Variants in WDR7 observed in about 807,000 individuals in gnomAD.
WDR7 encodes WD repeat-containing protein 7.
Under a neutral mutation model 169.4 loss-of-function variants are expected in WDR7, and 46 were observed. That is an observed-to-expected ratio of 0.27 (90% CI 0.21 to 0.35). The LOEUF is 0.35. Ranked by LOEUF, WDR7 falls within the 10% of genes least tolerant of loss-of-function variation. WDR7 has a pLI of 1.00. For missense variants in WDR7, 1,534 were observed against 1,859.3 expected (o/e 0.83, Z 3.22); for synonymous variants, 612 against 666.8 (o/e 0.92, Z 1.27).
intron 16 of WDR7, among the ~76,000 whole-genome samples, chr18:56,767,154 A>C (rs560524062): frequency 7.9e-5 from 12 of 152,292 alleles, no homozygotes; most frequent in Non-Finnish European, 1.8e-4. Context: ...CAGAATATCC[A>C]ATGCCCTGTG....
At chr18:57,035,103 T>C in the WDR7 span, 1 of 152,250 alleles carries the variant, frequency 6.6e-6, no homozygotes, top group Non-Finnish European at 1.5e-5. Context: ...TTGAAGATAA[T>C]GCAGAGGCTT....
At chr18:56,804,091 T>C (rs2044724762) in intron 19 of WDR7, among the ~76,000 whole-genome samples, 2 of 152,240 alleles carry the variant, frequency 1.3e-5, no homozygotes, top group South Asian at 4.1e-4. Context: ...CCACCACACC[T>C]GGCCCATCAT....
intron 12 of WDR7, among the ~76,000 whole-genome samples, chr18:56,700,561 G>GTGTCTT (rs1409253621): frequency 6.9e-5 from 3 of 43,562 alleles, no homozygotes; most frequent in Admixed American, 8.8e-4. Flanking sequence ...GGCCAATATT[G>GTGTCTT]TTTCTTTTTT....
At chr18:56,766,127 A>T (rs1329300638) in intron 16 of WDR7, among the ~76,000 whole-genome samples, 1 of 151,744 alleles carries the variant, frequency 6.6e-6, no homozygotes, top group Non-Finnish European at 1.5e-5. Flanking sequence ...TTCTAACAAG[A>T]TCTGATAGCA....
chr18:56,773,026 A>G (rs543384569), intron 16 of WDR7, among the ~76,000 whole-genome samples: 59 of 152,326 alleles, frequency 3.9e-4, no homozygotes, highest in African/African-American at 9.6e-4. Context: ...TGACGTATTA[A>G]AACTGTGCTT....
intron 20 of WDR7, among the ~76,000 whole-genome samples, chr18:56,878,472 C>G (rs1282284650): frequency 6.6e-6 from 1 of 151,876 alleles, no homozygotes; most frequent in Non-Finnish European, 1.5e-5. Context: ...TTGTTATTTT[C>G]TGATCCAAAG....
At chr18:56,999,288 G>C (rs1453476226) in intron 26 of WDR7, among the ~76,000 whole-genome samples, 3 of 152,114 alleles carry the variant, frequency 2.0e-5, no homozygotes, top group Non-Finnish European at 4.4e-5. Flanking sequence ...TTAGGGTTTG[G>C]GGGAATGTTT....
intron 21 of WDR7, among the ~76,000 whole-genome samples, chr18:56,907,769 C>T (rs1050810067): frequency 6.6e-6 from 1 of 152,058 alleles, no homozygotes; most frequent in Admixed American, 6.6e-5. Context: ...CCTGAGAGTC[C>T]TCACTTGGTA....
At chr18:56,919,433 T>C (rs7245128) in intron 21 of WDR7, among the ~76,000 whole-genome samples, 123,071 of 152,088 alleles carry the variant, frequency 0.81, 50,316 homozygotes, top group East Asian at 0.98. Context: ...GGTATTGTTA[T>C]CTGTTGCATC....
intron 14 of WDR7, among the ~76,000 whole-genome samples, chr18:56,735,372 T>C (rs2026677194): frequency 6.6e-6 from 1 of 152,230 alleles, no homozygotes; most frequent in East Asian, 1.9e-4. Context: ...TTGAGGATGA[T>C]TGTAATAGGA....
chr18:56,932,614 G>A (rs1312688032), intron 22 of WDR7, among the ~76,000 whole-genome samples: 1 of 152,096 alleles, frequency 6.6e-6, no homozygotes, highest in Non-Finnish European at 1.5e-5. Context: ...AGCATTTATT[G>A]TACATATAAT....
At chr18:56,794,460 C>T (rs2044549212) in intron 19 of WDR7, among the ~76,000 whole-genome samples, 1 of 151,634 alleles carries the variant, frequency 6.6e-6, no homozygotes, top group Admixed American at 6.6e-5. Context: ...CAGGTGCCCA[C>T]CACCATGCCT....
At chr18:56,714,660 C>T (rs1191157175) in intron 12 of WDR7, among the ~76,000 whole-genome samples, 1 of 152,016 alleles carries the variant, frequency 6.6e-6, no homozygotes, top group African/African-American at 2.4e-5. Context: ...GTGATCCATC[C>T]CCCTCGACCT....
chr18:56,682,973 A>T (rs2025378693), intron 5 of WDR7, 120 bp downstream of exon 5: 1 of 1,055,066 alleles, frequency 9.5e-7, no homozygotes, highest in South Asian at 1.6e-5. Flanking sequence ...GTAAGAAATA[A>T]CTACACCAAT....
At chr18:56,767,629 A>C (rs565666482) in intron 16 of WDR7, among the ~76,000 whole-genome samples, 1 of 152,014 alleles carries the variant, frequency 6.6e-6, no homozygotes, top group African/African-American at 2.4e-5. Context: ...GTTTCTTGTT[A>C]CTCCATCTTG....
At chr18:56,934,237 G>A (rs1432590557) in intron 22 of WDR7, among the ~76,000 whole-genome samples, 2 of 152,246 alleles carry the variant, frequency 1.3e-5, no homozygotes, top group East Asian at 3.9e-4. Flanking sequence ...TAAGTATTAA[G>A]CAGTCTAGCC....
intron 1 of WDR7, among the ~76,000 whole-genome samples, chr18:56,663,349 G>T (rs1351597214): frequency 6.6e-6 from 1 of 151,956 alleles, no homozygotes; most frequent in Non-Finnish European, 1.5e-5. Flanking sequence ...ATTATAAAAA[G>T]CATTTTGTAG....
At chr18:56,815,552 T>C (rs987677309) in intron 19 of WDR7, among the ~76,000 whole-genome samples, 17 of 152,172 alleles carry the variant, frequency 1.1e-4, no homozygotes, top group African/African-American at 4.1e-4. Context: ...ATGTTATACT[T>C]TTTTTGGGTA....
At chr18:56,975,255 G>T (rs1261441825) in intron 26 of WDR7, among the ~76,000 whole-genome samples, 3 of 152,030 alleles carry the variant, frequency 2.0e-5, no homozygotes, top group Non-Finnish European at 1.5e-5. Flanking sequence ...GGGGCAAAGG[G>T]ATATTTGAGT....
Sources: gnomAD v4.1 joint callset for allele counts (sites outside exome capture counted in the v4.1 genomes callset) on GRCh38, gnomAD v4.1.1 for gene constraint, MANE v1.5 for transcripts, NCBI Gene and HGNC (gene_info 2026-07-23, HGNC 2026-07-21) for gene names.